FARS2: variants seen among roughly 807,000 people sequenced by gnomAD.
FARS2 encodes the protein phenylalanine--tRNA ligase, mitochondrial.
FARS2 carries 40 observed loss-of-function variants against 46.4 expected under a neutral mutation model. The observed-to-expected ratio is 0.86, with a 90% confidence interval of 0.67 to 1.12. FARS2 has a LOEUF of 1.12. FARS2 is among the 50% of genes most tolerant of loss of function. The pLI is 0.00. For missense variants in FARS2, 513 were observed against 567.9 expected (o/e 0.90, Z 0.98); for synonymous variants, 234 against 214.9 (o/e 1.09, Z -0.78).
At position 5,304,097 on chromosome 6, in the gene FARS2, T is replaced by G. The variant is rs556944723; in HGVS notation, c.-22+42437T>G. On this transcript the variant is annotated intron_variant, in intron 1 of 6. Coordinates refer to ENST00000274680, the MANE Select transcript of FARS2 (RefSeq NM_006567.5). ...TATCATTTTTAAATAAAAGATTATC[T>G]TTTAATTATAGAGGCATCATAGCAG... is the stretch of plus-strand genomic sequence containing the variant. Among the ~76,000 whole-genome samples, 10 of 152,348 alleles carry G rather than the reference T, an allele frequency of 6.6e-5. No individual in the cohort carries two copies. The East Asian group carries it at 1.5e-3, about 24-fold the overall frequency.
intron 2 of FARS2, among the ~76,000 whole-genome samples, chr6:5,375,270 A>T (rs537850528): frequency 2.0e-5 from 3 of 152,208 alleles, no homozygotes; most frequent in Non-Finnish European, 2.9e-5. Context: ...TTTATCCATA[A>T]GTAAGAACCA....
chr6:5,361,655 G>T (rs1301292989), intron 1 of FARS2, among the ~76,000 whole-genome samples: 2 of 152,174 alleles, frequency 1.3e-5, no homozygotes, highest in Non-Finnish European at 2.9e-5. Context: ...TCCCACCATT[G>T]TTTAGTAGAA....
At chr6:5,595,418 C>T (rs1490667703) in intron 5 of FARS2, among the ~76,000 whole-genome samples, 3 of 152,184 alleles carry the variant, frequency 2.0e-5, no homozygotes, top group Admixed American at 6.5e-5. Context: ...CCCTTCTCCC[C>T]ATTTCCTGTG....
intron 4 of FARS2, among the ~76,000 whole-genome samples, chr6:5,450,808 T>C (rs1249875545): frequency 6.6e-6 from 1 of 151,860 alleles, no homozygotes; most frequent in Non-Finnish European, 1.5e-5. Flanking sequence ...GCCTCCAGGG[T>C]TTCCCTCCTC....
intron 2 of FARS2, among the ~76,000 whole-genome samples, chr6:5,382,478 A>G (rs1302804074): frequency 2.0e-5 from 3 of 152,190 alleles, no homozygotes; most frequent in Non-Finnish European, 4.4e-5. Context: ...AGTGTCTCAA[A>G]TATAATCTTA....
chr6:5,546,311 C>T (rs576938201), intron 5 of FARS2, among the ~76,000 whole-genome samples: 3 of 145,360 alleles, frequency 2.1e-5, no homozygotes, highest in Non-Finnish European at 3.0e-5. Context: ...GGCTGGAGTG[C>T]GCGATCTTGG....
intron 3 of FARS2, among the ~76,000 whole-genome samples, chr6:5,424,942 G>T (rs1311908957): frequency 1.3e-5 from 2 of 152,190 alleles, no homozygotes; most frequent in Non-Finnish European, 2.9e-5. Flanking sequence ...TTAGATTGTG[G>T]TTATCGAGGA....
intron 4 of FARS2, among the ~76,000 whole-genome samples, chr6:5,459,658 T>A (rs1241007110): frequency 1.3e-5 from 2 of 152,030 alleles, no homozygotes; most frequent in East Asian, 3.9e-4. Flanking sequence ...TTACTCTTTT[T>A]AAAAAAAGAC....
At chr6:5,434,396 G>A (rs915447412) in intron 4 of FARS2, among the ~76,000 whole-genome samples, 1 of 152,158 alleles carries the variant, frequency 6.6e-6, no homozygotes, top group Non-Finnish European at 1.5e-5. Context: ...ACAGGCATGA[G>A]CCACTGCGCC....
chr6:5,496,084 A>G (rs1426501302), intron 4 of FARS2, among the ~76,000 whole-genome samples: 8 of 152,042 alleles, frequency 5.3e-5, no homozygotes, highest in African/African-American at 7.3e-5. Context: ...TAATTCTTCT[A>G]CTTTCTTCCC....
chr6:5,276,185 C>G (rs949819255), intron 1 of FARS2, among the ~76,000 whole-genome samples: 1 of 152,002 alleles, frequency 6.6e-6, no homozygotes, highest in Non-Finnish European at 1.5e-5. Context: ...TGCTGTAATT[C>G]TAGATTGTTG....
Position 5,696,196 on chromosome 6 carries a change from T to A in FARS2, c.1218-75095T>A, listed in dbSNP as rs138923454. On this transcript the variant is annotated intron_variant, in intron 6 of 6. Coordinates refer to ENST00000274680, the MANE Select transcript of FARS2 (RefSeq NM_006567.5). ...TCAGCATTTATTTATTCCACAAATA[T>A]TTTAATATAGGTATTCAAAGATACG... is the stretch of plus-strand genomic sequence containing the variant. Among the ~76,000 whole-genome samples the A allele has an allele frequency of 7.5e-4, 115 of 152,336 alleles. 2 individuals carry two copies. The East Asian group carries it at 0.018, about 24-fold the overall frequency.
intron 1 of FARS2, among the ~76,000 whole-genome samples, chr6:5,312,580 G>A (rs545472392): frequency 6.6e-6 from 1 of 152,312 alleles, no homozygotes; most frequent in African/African-American, 2.4e-5. Flanking sequence ...GGAGGGTTTT[G>A]AAAAGTAGGG....
chr6:5,288,366 G>C (rs886997974), intron 1 of FARS2, among the ~76,000 whole-genome samples: 1 of 152,144 alleles, frequency 6.6e-6, no homozygotes, highest in African/African-American at 2.4e-5. Flanking sequence ...TAAGCATTGA[G>C]CCTCTCCCAA....
intron 6 of FARS2, among the ~76,000 whole-genome samples, chr6:5,686,697 T>C (rs1020126372): frequency 1.3e-5 from 2 of 152,242 alleles, no homozygotes; most frequent in East Asian, 3.8e-4. Context: ...GCATGTTTTA[T>C]AATCCTTTGG....
At chr6:5,534,841 G>GCGCACA (rs749731270) in intron 4 of FARS2, among the ~76,000 whole-genome samples, 60 of 124,210 alleles carry the variant, frequency 4.8e-4, no homozygotes, top group East Asian at 2.6e-3. Context: ...ACACACGCAC[G>GCGCACA]CATACACACT....
At chr6:5,426,032 C>T (rs9392684) in intron 3 of FARS2, among the ~76,000 whole-genome samples, 73,513 of 151,776 alleles carry the variant, frequency 0.48, 18,038 homozygotes, top group Non-Finnish European at 0.52. Context: ...GGTTTTTTTT[C>T]CTAAAGTATA....
At chr6:5,327,761 T>C (rs1267278044) in intron 1 of FARS2, among the ~76,000 whole-genome samples, 2 of 152,230 alleles carry the variant, frequency 1.3e-5, no homozygotes, top group Non-Finnish European at 2.9e-5. Context: ...GCTGAGTTTA[T>C]CTTTCCTTCC....
At chr6:5,709,260 G>A (rs547157589) in intron 6 of FARS2, among the ~76,000 whole-genome samples, 1 of 152,186 alleles carries the variant, frequency 6.6e-6, no homozygotes, top group African/African-American at 2.4e-5. Flanking sequence ...TTACCCTCAG[G>A]ACAGTGGAGG....
Sources: gnomAD v4.1 joint callset for allele counts (sites outside exome capture counted in the v4.1 genomes callset) on GRCh38, gnomAD v4.1.1 for gene constraint, MANE v1.5 for transcripts, NCBI Gene and HGNC (gene_info 2026-07-23, HGNC 2026-07-21) for gene names.